The following AUTS2 variants were observed in gnomAD, a reference collection of about 807,000 sequenced individuals.
AUTS2 encodes autism susceptibility gene 2 protein.
A neutral mutation model predicts 112.4 loss-of-function variants in AUTS2; 17 were observed. The ratio of observed to expected loss-of-function variants is 0.15; its 90% confidence interval spans 0.10 to 0.23. The LOEUF is 0.23. Ranked by LOEUF, AUTS2 falls within the 10% of genes least tolerant of loss-of-function variation. The pLI, the probability that AUTS2 is intolerant of heterozygous loss-of-function variation, is 1.00. For missense variants in AUTS2, 1,510 were observed against 1,701.6 expected (o/e 0.89, Z 1.98); for synonymous variants, 751 against 702.7 (o/e 1.07, Z -1.09).
chr7:70,653,109 A>G (rs117547771), intron 5 of AUTS2, among the ~76,000 whole-genome samples: 4,741 of 152,034 alleles, frequency 0.031, 129 homozygotes, highest in East Asian at 0.085. Flanking sequence ...TAAAAAATCA[A>G]CCAGGCATGG....
intron 2 of AUTS2, among the ~76,000 whole-genome samples, chr7:69,919,802 A>G (rs1584442064): frequency 2.6e-5 from 4 of 152,292 alleles, no homozygotes; most frequent in Admixed American, 2.6e-4. Flanking sequence ...ACTAGGAACT[A>G]CCTGGACTTT....
rs139744722 is a variant in AUTS2 at position 70,029,053 on chromosome 7, A to G, written c.523-89079A>G. ...AGCAGAGAATAGGACAGGAGTGCAC[A>G]CTCTGGGGCTAGACTGACGGGCTGG... is the stretch of plus-strand genomic sequence containing the variant. On this transcript the variant is annotated intron_variant, in intron 2 of 18. Coordinates refer to ENST00000342771, the MANE Select transcript of AUTS2 (RefSeq NM_015570.4). Among the ~76,000 whole-genome samples the G allele has an allele frequency of 2.4e-3, 368 of 152,092 alleles. 2 individuals are homozygous for G. Among genetic ancestry groups the G allele is most frequent in the Middle Eastern group, 0.02 (6 of 294 alleles).
At chr7:70,706,390 A>G (rs149703342) in intron 6 of AUTS2, among the ~76,000 whole-genome samples, 28 of 152,342 alleles carry the variant, frequency 1.8e-4, no homozygotes, top group African/African-American at 6.3e-4. Context: ...CCTGCCATCA[A>G]TGGAGTAGGA....
chr7:70,030,537 A>G (rs1800727955), intron 2 of AUTS2, among the ~76,000 whole-genome samples: 1 of 152,196 alleles, frequency 6.6e-6, no homozygotes, highest in Non-Finnish European at 1.5e-5. Flanking sequence ...AGAGAAAACA[A>G]CAGGCTTCCC....
chr7:69,607,421 A>G (rs1250898696), intron 1 of AUTS2, among the ~76,000 whole-genome samples: 1 of 152,144 alleles, frequency 6.6e-6, no homozygotes, highest in Non-Finnish European at 1.5e-5. Flanking sequence ...AAGGTAATGC[A>G]TTTAGGACAT....
intron 4 of AUTS2, among the ~76,000 whole-genome samples, chr7:70,161,178 CAG>C: frequency 6.6e-6 from 1 of 152,184 alleles, no homozygotes; most frequent in East Asian, 1.9e-4. Context: ...ATAAAGGAAA[CAG>C]GAGTAAAATC....
At chr7:70,769,348 G>A (rs1790173152) in intron 10 of AUTS2, among the ~76,000 whole-genome samples, 1 of 152,116 alleles carries the variant, frequency 6.6e-6, no homozygotes, top group African/African-American at 2.4e-5. Context: ...CCACCATTCT[G>A]CCCTTAGTCT....
intron 2 of AUTS2, among the ~76,000 whole-genome samples, chr7:69,950,920 A>C (rs1186791780): frequency 6.6e-6 from 1 of 151,928 alleles, no homozygotes; most frequent in African/African-American, 2.4e-5. Context: ...AGATCGCTTG[A>C]GCCCAGGAGT....
chr7:69,641,665 A>G (rs1462350263), intron 1 of AUTS2, among the ~76,000 whole-genome samples: 1 of 152,204 alleles, frequency 6.6e-6, no homozygotes, highest in African/African-American at 2.4e-5. Context: ...TTTTCTCTCA[A>G]TGCTTAAATA....
At chr7:70,468,787 T>G (rs1035112403) in intron 5 of AUTS2, among the ~76,000 whole-genome samples, 1 of 152,086 alleles carries the variant, frequency 6.6e-6, no homozygotes, top group Non-Finnish European at 1.5e-5. Flanking sequence ...GCACCTTTTT[T>G]TTTTTAACAA....
chr7:70,259,675 C>T (rs1474696660), intron 4 of AUTS2, among the ~76,000 whole-genome samples: 5 of 152,188 alleles, frequency 3.3e-5, no homozygotes, highest in African/African-American at 1.2e-4. Context: ...CACTTCCTAC[C>T]AGGGATGGGC....
chr7:69,740,856 T>G (rs1787235399), intron 1 of AUTS2, among the ~76,000 whole-genome samples: 1 of 152,142 alleles, frequency 6.6e-6, no homozygotes, highest in Non-Finnish European at 1.5e-5. Context: ...AATGCAGAGT[T>G]TAGGTGTGAG....
At chr7:70,106,465 A>G (rs1480557977) in intron 2 of AUTS2, among the ~76,000 whole-genome samples, 2 of 152,278 alleles carry the variant, frequency 1.3e-5, no homozygotes, top group South Asian at 2.1e-4. Flanking sequence ...CAAGCCTGTA[A>G]TCCCAGCATT....
chr7:69,714,756 A>G (rs1798520647), intron 1 of AUTS2, among the ~76,000 whole-genome samples: 1 of 152,118 alleles, frequency 6.6e-6, no homozygotes, highest in African/African-American at 2.4e-5. Context: ...TCCTTCTGGG[A>G]TCCTGATTGA....
rs117954626 is a variant in AUTS2, at chr7:70,241,008, C to T, written c.660+106437C>T. Reference sequence around the variant, plus strand: ...GGACATATCTAACAAGGAACTCCATCCCCAAGTGCTGGAGAATCCATGAAG... The same window carrying T: ...GGACATATCTAACAAGGAACTCCATTCCCAAGTGCTGGAGAATCCATGAAG... On this transcript the variant is annotated intron_variant, in intron 4 of 18. Coordinates refer to ENST00000342771, the MANE Select transcript of AUTS2 (RefSeq NM_015570.4). Among the ~76,000 whole-genome samples the T allele has an allele frequency of 8.5e-5, 13 of 152,302 alleles. No individual in the cohort carries two copies. In the East Asian group the frequency reaches 2.5e-3, roughly 29 times the overall value.
intron 1 of AUTS2, among the ~76,000 whole-genome samples, chr7:69,852,742 C>T (rs540603694): frequency 6.6e-5 from 10 of 152,236 alleles, no homozygotes; most frequent in Admixed American, 5.2e-4. Flanking sequence ...TGTGAGCCAC[C>T]GTGCCCGGCC....
intron 4 of AUTS2, among the ~76,000 whole-genome samples, chr7:70,407,540 G>A (rs1371069822): frequency 6.6e-6 from 1 of 152,168 alleles, no homozygotes; most frequent in Non-Finnish European, 1.5e-5. Flanking sequence ...TAGTGTGTTT[G>A]TGTACATGCC....
chr7:70,326,917 C>CTT (rs552893729), intron 4 of AUTS2, among the ~76,000 whole-genome samples: 12,649 of 120,598 alleles, frequency 0.1, 1,118 homozygotes, highest in Middle Eastern at 0.19. Flanking sequence ...ATGCTTGGTT[C>CTT]TTTTTTTTTT....
intron 2 of AUTS2, among the ~76,000 whole-genome samples, chr7:69,921,271 G>A (rs747853824): frequency 6.7e-6 from 1 of 150,062 alleles, no homozygotes; most frequent in Non-Finnish European, 1.5e-5. Context: ...AAAGCAGGAT[G>A]CATTGAGATT....
Sources: allele counts gnomAD v4.1 joint callset (sites outside exome capture counted in the v4.1 genomes callset), GRCh38; gene constraint gnomAD v4.1.1; transcripts MANE v1.5; gene names NCBI Gene and HGNC (gene_info 2026-07-23, HGNC 2026-07-21).